FRMD4A: variants seen among roughly 807,000 people sequenced by gnomAD.
FRMD4A encodes the protein FERM domain containing 4A.
Under a neutral mutation model 129.1 loss-of-function variants are expected in FRMD4A, and 29 were observed. The ratio of observed to expected loss-of-function variants is 0.22; its 90% confidence interval spans 0.17 to 0.31. The LOEUF (loss-of-function observed/expected upper bound fraction) is 0.31, where lower values mean the gene tolerates loss of function less well. Ranked by LOEUF, FRMD4A falls within the 10% of genes least tolerant of loss-of-function variation. The pLI is 1.00. For missense variants in FRMD4A, 1,272 were observed against 1,375.8 expected (o/e 0.92, Z 1.19); for synonymous variants, 634 against 571.6 (o/e 1.11, Z -1.56).
chr10:14,147,625 C>T (rs1292566797), intron 2 of FRMD4A, among the ~76,000 whole-genome samples: 1 of 152,094 alleles, frequency 6.6e-6, no homozygotes, highest in East Asian at 1.9e-4. Flanking sequence ...GAACGTGCGA[C>T]CTAGATCCCT....
At chr10:13,902,652 C>A (rs2094834356) in intron 2 of FRMD4A, among the ~76,000 whole-genome samples, 1 of 151,870 alleles carries the variant, frequency 6.6e-6, no homozygotes, top group Non-Finnish European at 1.5e-5. Context: ...CCAGCCTGGC[C>A]AACATGGTGA....
intron 2 of FRMD4A, among the ~76,000 whole-genome samples, chr10:13,951,104 G>T (rs2095367433): frequency 6.6e-6 from 1 of 152,204 alleles, no homozygotes; most frequent in Non-Finnish European, 1.5e-5. Flanking sequence ...GGAGAGAGAA[G>T]CCAAGGGTGC....
intron 2 of FRMD4A, among the ~76,000 whole-genome samples, chr10:14,088,891 C>T (rs570412734): frequency 1.1e-4 from 16 of 151,770 alleles, no homozygotes; most frequent in Middle Eastern, 3.5e-3. Flanking sequence ...CAGTCACGGT[C>T]GGGGCTCACA....
intron 2 of FRMD4A, among the ~76,000 whole-genome samples, chr10:14,273,835 T>G (rs1309088343): frequency 6.6e-6 from 1 of 152,158 alleles, no homozygotes; most frequent in East Asian, 1.9e-4. Flanking sequence ...CATAGAAAAG[T>G]TGAGATTTAT....
At chr10:13,849,069 G>C (rs905649033) in intron 3 of FRMD4A, among the ~76,000 whole-genome samples, 1 of 152,234 alleles carries the variant, frequency 6.6e-6, no homozygotes. Flanking sequence ...GGAGTGCCCA[G>C]CTTTGCAGAG....
Position 14,235,228 on chromosome 10 carries a change from C to A in FRMD4A, c.45+94830G>T, listed in dbSNP as rs564906804. On this transcript the variant is annotated intron_variant, in intron 2 of 24. Coordinates refer to ENST00000357447, the MANE Select transcript of FRMD4A (RefSeq NM_018027.5). The stretch of plus-strand genomic sequence containing the variant: ...GCAGTGGCGCGATCTCGGCTCACTG[C>A]AAGCTCCGCCTCCCGGGTTCACGCC... 7.0e-4 allele frequency among the ~76,000 whole-genome samples: 104 copies of A among 147,768 alleles called. 3 individuals carry two copies. Among genetic ancestry groups the A allele is most frequent in the African/African-American group, 2.5e-3 (99 of 40,208 alleles).
intron 2 of FRMD4A, among the ~76,000 whole-genome samples, chr10:13,943,499 T>C (rs1565085439): frequency 6.6e-6 from 1 of 150,834 alleles, no homozygotes; most frequent in Non-Finnish European, 1.5e-5. Context: ...AATACAAAAA[T>C]TAGCTGGGCG....
chr10:13,888,311 A>G (rs2094650044), intron 2 of FRMD4A, among the ~76,000 whole-genome samples: 1 of 152,218 alleles, frequency 6.6e-6, no homozygotes, highest in Non-Finnish European at 1.5e-5. Flanking sequence ...ACCCTCCACA[A>G]TTGATGCAAT....
chr10:13,719,649 A>G (rs1331661123), intron 12 of FRMD4A, among the ~76,000 whole-genome samples: 3 of 152,104 alleles, frequency 2.0e-5, no homozygotes, highest in Non-Finnish European at 4.4e-5. Flanking sequence ...CATTAAGAAG[A>G]AGGAGGGGGA....
intron 2 of FRMD4A, among the ~76,000 whole-genome samples, chr10:14,084,336 G>A (rs548771833): frequency 2.0e-4 from 31 of 152,180 alleles, no homozygotes; most frequent in African/African-American, 6.3e-4. Context: ...TAGTAGAGAC[G>A]GGGTTTCACC....
chr10:13,737,342 A>G (rs7069874), intron 12 of FRMD4A, among the ~76,000 whole-genome samples: 18,198 of 152,144 alleles, frequency 0.12, 2,005 homozygotes, highest in African/African-American at 0.28. Context: ...CACCTGCCTC[A>G]GGCTCCCAAA....
chr10:14,105,799 T>A (rs529178223), intron 2 of FRMD4A, among the ~76,000 whole-genome samples: 114 of 152,338 alleles, frequency 7.5e-4, no homozygotes, highest in African/African-American at 2.7e-3. Flanking sequence ...CACTGGGTCA[T>A]TTGCTTTTAC....
chr10:13,893,753 G>A (rs1056728995), intron 2 of FRMD4A, among the ~76,000 whole-genome samples: 2 of 152,172 alleles, frequency 1.3e-5, no homozygotes, highest in Non-Finnish European at 2.9e-5. Flanking sequence ...GACCTCAGGT[G>A]ATCCACCCAC....
At chr10:13,707,735 G>A in intron 12 of FRMD4A, 3 of 985,010 alleles carry the variant, frequency 3.0e-6, no homozygotes, top group Non-Finnish European at 2.4e-6. Context: ...AGCCTGTCAA[G>A]CCCATTCTTC....
At chr10:14,135,017 A>G (rs1348002098) in intron 2 of FRMD4A, among the ~76,000 whole-genome samples, 1 of 152,260 alleles carries the variant, frequency 6.6e-6, no homozygotes, top group African/African-American at 2.4e-5. Context: ...TTTGAGGACT[A>G]GAGGTTGCAC....
intron 2 of FRMD4A, among the ~76,000 whole-genome samples, chr10:13,967,379 G>T (rs562071545): frequency 3.3e-5 from 5 of 152,106 alleles, no homozygotes; most frequent in Non-Finnish European, 7.4e-5. Flanking sequence ...TTGGGGACTC[G>T]GGGAAAGGGT....
At chr10:14,151,570 C>T (rs1473655795) in intron 2 of FRMD4A, among the ~76,000 whole-genome samples, 1 of 152,124 alleles carries the variant, frequency 6.6e-6, no homozygotes, top group African/African-American at 2.4e-5. Flanking sequence ...GTGATGGGTA[C>T]ACTGGGAGTC....
At chr10:13,692,910 AG>A (rs10718512) in intron 15 of FRMD4A, 11,802 of 152,144 alleles carry the variant, frequency 0.078, 500 homozygotes, top group South Asian at 0.12. Flanking sequence ...TCTGTCACCC[AG>A]GTTGGAGGGC....
chr10:14,022,402 T>C (rs1180549979), intron 2 of FRMD4A, among the ~76,000 whole-genome samples: 1 of 152,228 alleles, frequency 6.6e-6, no homozygotes, highest in Non-Finnish European at 1.5e-5. Context: ...TGGGAAATTA[T>C]AAGAGATAGG....
Sources: gnomAD v4.1 joint callset for allele counts (sites outside exome capture counted in the v4.1 genomes callset) on GRCh38, gnomAD v4.1.1 for gene constraint, MANE v1.5 for transcripts, NCBI Gene and HGNC (gene_info 2026-07-23, HGNC 2026-07-21) for gene names.